The following ATP9B variants were observed in gnomAD, a reference collection of about 807,000 sequenced individuals.
The protein encoded by ATP9B is ATPase phospholipid transporting 9B, also known as probable phospholipid-transporting ATPase IIB.
Under a neutral mutation model 146.1 loss-of-function variants are expected in ATP9B, and 110 were observed. The ratio of observed to expected loss-of-function variants is 0.75; its 90% CI spans 0.65 to 0.88. The LOEUF (loss-of-function observed/expected upper bound fraction) is 0.88, where lower values mean the gene tolerates loss of function less well. Ranked by LOEUF, ATP9B falls within the 40% of genes least tolerant of loss-of-function variation. The probability of loss-of-function intolerance (pLI) is 0.00; values close to 1 mark genes in which losing one functional copy is unlikely to be tolerated. For synonymous variants in ATP9B, 604 were observed against 569.7 expected (o/e 1.06, Z -0.86); for missense variants, 1,499 against 1,496.4 (o/e 1.00, Z -0.03).
intron 13 of ATP9B, among the ~76,000 whole-genome samples, chr18:79,286,230 T>C (rs2096439716): frequency 2.0e-5 from 3 of 152,154 alleles, no homozygotes; most frequent in Non-Finnish European, 4.4e-5. Flanking sequence ...TTTCATGATA[T>C]TGATTCTTCC....
chr18:79,311,286 G>A (rs777079671), intron 15 of ATP9B, among the ~76,000 whole-genome samples: 2 of 152,126 alleles, frequency 1.3e-5, no homozygotes, highest in Admixed American at 6.5e-5. Context: ...GACTTGAGGC[G>A]AATGCTGAAG....
chr18:79,316,292 G>C (rs2096679524), intron 15 of ATP9B, among the ~76,000 whole-genome samples: 1 of 152,100 alleles, frequency 6.6e-6, no homozygotes, highest in Admixed American at 6.5e-5. Context: ...ATCCCTGAGA[G>C]CATCCAGAGA....
intron 5 of ATP9B, among the ~76,000 whole-genome samples, chr18:79,132,049 G>C (rs1005184743): frequency 3.3e-5 from 5 of 152,240 alleles, no homozygotes; most frequent in African/African-American, 9.6e-5. Context: ...TGGTCGCACT[G>C]CATTGTGAAT....
intron 17 of ATP9B, among the ~76,000 whole-genome samples, chr18:79,335,964 C>T (rs2096822389): frequency 1.3e-5 from 2 of 152,172 alleles, no homozygotes; most frequent in African/African-American, 4.8e-5. Flanking sequence ...GTCCCCCTCT[C>T]CCCCAGTGTA....
At chr18:79,250,587 C>G (rs1368030786) in intron 11 of ATP9B, among the ~76,000 whole-genome samples, 2 of 152,108 alleles carry the variant, frequency 1.3e-5, no homozygotes, top group African/African-American at 4.8e-5. Flanking sequence ...CATTTTAATC[C>G]AAAAACCTAT....
rs548748964 is a variant in ATP9B, at chr18:79,368,529, T to A, written c.3013-4296T>A. On this transcript the variant is annotated intron_variant, in intron 26 of 29. Coordinates refer to ENST00000426216, the MANE Select transcript of ATP9B (RefSeq NM_198531.5). ...AGCAAGTCCACCTTTAGGTGCACAC[T>A]CTCTGCTTGGTGGCTCTCATTTAAC... Among the ~76,000 whole-genome samples, 64 of 152,326 alleles carry A rather than the reference T, an allele frequency of 4.2e-4. 3 individuals are homozygous for A. The South Asian group carries it at 0.013, about 32-fold the overall frequency.
At chr18:79,306,873 C>A in intron 14 of ATP9B, 113 bp from the exon 15 acceptor site, 1 of 1,220,618 alleles carries the variant, frequency 8.2e-7, no homozygotes, top group East Asian at 2.5e-5. Flanking sequence ...TCAAATCAGG[C>A]TACTTATTTC....
chr18:79,277,070 GA>G lies in ATP9B; in HGVS notation c.1286del (p.Asp429AlafsTer10). 6.2e-7 allele frequency: 1 copy of G among 1,614,166 alleles called. No homozygotes were observed. The highest frequency in any genetic ancestry group is 8.5e-7 in the Non-Finnish European group (1 of 1,180,022). On this transcript the variant is annotated frameshift_variant, in exon 13 of 30. Coordinates refer to ENST00000426216, the MANE Select transcript of ATP9B (RefSeq NM_198531.5). LOFTEE classifies it high-confidence loss of function. ...ATTTGGCAGTTTGCGTGTGAACTTG[GA>G]CATGGGCAAAGCGGTGTATGGATGG... ...IIPISLRVNLDMGKAVYGWMM... is the reference protein window; with the variant it reads ...IIPISLRVNLXMGKAVYGWMM...
rs564604259 is a variant in ATP9B, at chr18:79,238,358, G to A, written c.1108-15023G>A. ...TGGGGAGGTCAGTTCCGGGGCTTAC[G>A]TGAGGTGGTGATTGTGGGCATCACG... On this transcript the variant is annotated intron_variant, in intron 11 of 29. Transcript: ENST00000426216. Among the ~76,000 whole-genome samples the A allele has an allele frequency of 2.6e-5, 4 of 152,162 alleles. No homozygotes were observed. In the South Asian group the frequency reaches 6.2e-4, roughly 24 times the overall value.
At chr18:79,313,398 C>T (rs1358836468) in intron 15 of ATP9B, among the ~76,000 whole-genome samples, 1 of 152,134 alleles carries the variant, frequency 6.6e-6, no homozygotes, top group South Asian at 2.1e-4. Flanking sequence ...CCCCATATTC[C>T]TATCAAGAAG....
intron 15 of ATP9B, among the ~76,000 whole-genome samples, chr18:79,316,638 C>T (rs899805358): frequency 7.9e-5 from 12 of 152,114 alleles, no homozygotes; most frequent in Admixed American, 2.0e-4. Flanking sequence ...CCCACCGCAG[C>T]GCAGCCAACA....
intron 1 of ATP9B, among the ~76,000 whole-genome samples, chr18:79,078,981 G>T (rs754630546): frequency 7.2e-5 from 11 of 152,150 alleles, no homozygotes; most frequent in Non-Finnish European, 1.3e-4. Context: ...TCCACGCAAA[G>T]GACATGAACT....
At chr18:79,108,830 C>CA (rs1441573012) in intron 2 of ATP9B, among the ~76,000 whole-genome samples, 1 of 152,224 alleles carries the variant, frequency 6.6e-6, no homozygotes, top group Non-Finnish European at 1.5e-5. Flanking sequence ...AGTTGAGACA[C>CA]ACACACATGC....
intron 13 of ATP9B, among the ~76,000 whole-genome samples, chr18:79,296,413 G>A (rs1387076484): frequency 6.6e-6 from 1 of 152,226 alleles, no homozygotes; most frequent in Non-Finnish European, 1.5e-5. Context: ...AAGATCTTGT[G>A]TGGCTTTAAA....
chr18:79,190,543 CACAT>C (rs200316866), intron 8 of ATP9B, among the ~76,000 whole-genome samples: 25,019 of 144,106 alleles, frequency 0.17, 2,097 homozygotes, highest in South Asian at 0.32. Flanking sequence ...CACACACACA[CACAT>C]ATACATATAT....
intron 11 of ATP9B, among the ~76,000 whole-genome samples, chr18:79,224,454 A>T (rs1406259118): frequency 6.6e-6 from 1 of 152,182 alleles, no homozygotes. Flanking sequence ...AAGATGGAGA[A>T]GGGAGAGTCG....
intron 6 of ATP9B, among the ~76,000 whole-genome samples, chr18:79,152,541 A>G (rs896209841): frequency 2.6e-5 from 4 of 152,302 alleles, no homozygotes; most frequent in South Asian, 4.1e-4. Context: ...TTTTAAGACA[A>G]TTTTTGTTGA....
chr18:79,274,476 TG>T (rs1157498046), intron 12 of ATP9B, among the ~76,000 whole-genome samples: 1 of 152,198 alleles, frequency 6.6e-6, no homozygotes. Flanking sequence ...ATACCCCATG[TG>T]GTAGTATATG....
In ATP9B at chr18:79,131,668, T is replaced by A. The variant is rs111314057; in HGVS notation, c.667+5293T>A. ...CAGGGACCCAGTGTTTATTTAGTGT[T>A]TATTCACTATTCACAATAGCCAAAG... is the stretch of plus-strand genomic sequence containing the variant. On this transcript the variant is annotated intron_variant, in intron 5 of 29. Transcript: ENST00000426216. Among the ~76,000 whole-genome samples, 1,065 of 152,346 alleles carry A rather than the reference T, an allele frequency of 7.0e-3. 15 individuals are homozygous for A. Among genetic ancestry groups the A allele is most frequent in the African/African-American group, 0.024 (1,014 of 41,574 alleles).
Sources: allele counts gnomAD v4.1 joint callset (sites outside exome capture counted in the v4.1 genomes callset), GRCh38; gene constraint gnomAD v4.1.1; transcripts MANE v1.5; gene names NCBI Gene and HGNC (gene_info 2026-07-23, HGNC 2026-07-21).